MMS22L: variants seen among roughly 807,000 people sequenced by gnomAD.
MMS22L encodes the protein MMS22 like, DNA repair protein.
Under a neutral mutation model 159.1 loss-of-function variants are expected in MMS22L, and 74 were observed. The observed-to-expected ratio is 0.47, with a 90% CI of 0.39 to 0.56. The LOEUF (loss-of-function observed/expected upper bound fraction) is 0.56. Among genes scored for constraint, MMS22L ranks in the 20% least tolerant of loss-of-function variants. The pLI is 0.00. For synonymous variants in MMS22L, 517 were observed against 506.9 expected (o/e 1.02, Z -0.27); for missense variants, 1,351 against 1,422.1 (o/e 0.95, Z 0.80).
intron 14 of MMS22L, among the ~76,000 whole-genome samples, chr6:97,225,616 A>G (rs1192026917): frequency 6.7e-6 from 1 of 150,120 alleles, no homozygotes; most frequent in Non-Finnish European, 1.5e-5. Flanking sequence ...TCTGTCACAC[A>G]GGCTGGAGTG....
At chr6:97,201,954 G>A (rs1317916967) in intron 14 of MMS22L, among the ~76,000 whole-genome samples, 2 of 152,040 alleles carry the variant, frequency 1.3e-5, no homozygotes, top group African/African-American at 2.4e-5. Flanking sequence ...TTATTCCCTC[G>A]AACAATACTT....
chr6:97,233,623 T>C (rs1171441111), intron 12 of MMS22L, among the ~76,000 whole-genome samples: 4 of 152,176 alleles, frequency 2.6e-5, no homozygotes, highest in Non-Finnish European at 5.9e-5. Context: ...TGATACATTT[T>C]AGCTACTTTG....
intron 8 of MMS22L, chr6:97,266,659 C>G (rs932770977): frequency 6.6e-6 from 1 of 152,120 alleles, no homozygotes; most frequent in African/African-American, 2.4e-5. Context: ...TACTATTCAG[C>G]CTTGAGAAGA....
chr6:97,243,629 T>A (rs895948524), intron 11 of MMS22L, among the ~76,000 whole-genome samples: 1 of 152,166 alleles, frequency 6.6e-6, no homozygotes, highest in Non-Finnish European at 1.5e-5. Context: ...GGTGAGCTAG[T>A]GTGATCTTGT....
intron 18 of MMS22L, among the ~76,000 whole-genome samples, chr6:97,175,530 T>C (rs1804027860): frequency 6.6e-6 from 1 of 152,194 alleles, no homozygotes; most frequent in South Asian, 2.1e-4. Context: ...TTAAAAGCCA[T>C]TGGTCTATCC....
At chr6:97,250,507 A>C (rs1813130409) in intron 10 of MMS22L, among the ~76,000 whole-genome samples, 1 of 152,166 alleles carries the variant, frequency 6.6e-6, no homozygotes, top group African/African-American at 2.4e-5. Flanking sequence ...TTTAAACTGT[A>C]TTTGGTTTTA....
At chr6:97,193,598 C>A (rs939856216) in intron 14 of MMS22L, among the ~76,000 whole-genome samples, 1 of 152,182 alleles carries the variant, frequency 6.6e-6, no homozygotes, top group Admixed American at 6.5e-5. Context: ...ATGTTGACTA[C>A]CACCAAAATT....
chr6:97,181,723 T>A (rs1562427313), intron 16 of MMS22L, among the ~76,000 whole-genome samples, 181 bp downstream of exon 16: 1 of 151,944 alleles, frequency 6.6e-6, no homozygotes, highest in African/African-American at 2.4e-5. Context: ...CCACAAAATA[T>A]AAGTTAGTGT....
In MMS22L at chr6:97,145,677, A is replaced by G. The variant is rs375172096; in HGVS notation, c.*1129T>C. The G allele has an allele frequency of 1.3e-5, 2 of 152,296 alleles. No individual in the cohort carries two copies. The highest frequency in any genetic ancestry group is 2.1e-4 in the South Asian group (1 of 4,824). 9.4% of individuals were successfully genotyped at this position (152,296 alleles called of 1,614,324 possible). Reference sequence around the variant, plus strand: ...GTACATTATCCCATTGATTCTCACAACAACACTGTCAAATAGTAAAGGGAT... The same window carrying G: ...GTACATTATCCCATTGATTCTCACAGCAACACTGTCAAATAGTAAAGGGAT... On this transcript the variant is annotated 3_prime_UTR_variant, in exon 25 of 25. Coordinates refer to ENST00000683635, the MANE Select transcript of MMS22L (RefSeq NM_001350599.2).
At chr6:97,172,691 G>T (rs1296441481) in intron 19 of MMS22L, among the ~76,000 whole-genome samples, 1 of 152,150 alleles carries the variant, frequency 6.6e-6, no homozygotes, top group Non-Finnish European at 1.5e-5. Context: ...AGAAATAGAT[G>T]TAAGCGATAG....
rs1464376908 is a variant in MMS22L, at chr6:97,221,565, A to C, written c.2039+7329T>G. 3.9e-5 allele frequency among the ~76,000 whole-genome samples: 6 copies of C among 152,096 alleles called. No homozygotes were observed. In the East Asian group the frequency reaches 1.2e-3, roughly 29 times the overall value. ...AAATACTCAGCTGAAAGATATAAAA[A>C]ATATTTAACTAGGAAAAAAAGTTTT... On this transcript the variant is annotated intron_variant, in intron 14 of 24. Coordinates refer to ENST00000683635, the MANE Select transcript of MMS22L (RefSeq NM_001350599.2).
intron 22 of MMS22L, among the ~76,000 whole-genome samples, chr6:97,157,443 T>C (rs1216318112): frequency 6.6e-6 from 1 of 152,330 alleles, no homozygotes; most frequent in East Asian, 1.9e-4. Flanking sequence ...CAGTACGATA[T>C]TGGCTGTGGG....
chr6:97,170,974 T>G (rs1199717794), intron 19 of MMS22L, among the ~76,000 whole-genome samples: 3 of 152,032 alleles, frequency 2.0e-5, no homozygotes, highest in Non-Finnish European at 2.9e-5. Flanking sequence ...TCACTGCACT[T>G]CAGCATAGGT....
intron 19 of MMS22L, among the ~76,000 whole-genome samples, chr6:97,170,246 G>A (rs534698907): frequency 2.0e-5 from 3 of 152,012 alleles, no homozygotes; most frequent in Non-Finnish European, 2.9e-5. Flanking sequence ...TTTCTGCAAC[G>A]GTTGAAACAC....
upstream of MMS22L, chr6:97,283,327 T>C (rs1562538754): frequency 1.3e-5 from 2 of 150,564 alleles, no homozygotes; most frequent in African/African-American, 2.4e-5. Flanking sequence ...CGGGACGAGG[T>C]ACTGAGAAAC....
intron 14 of MMS22L, among the ~76,000 whole-genome samples, chr6:97,189,351 G>A (rs1390615762): frequency 6.6e-6 from 1 of 150,994 alleles, no homozygotes; most frequent in Admixed American, 6.6e-5. Context: ...CCTGAGCTCA[G>A]GATTTCAAGA....
At chr6:97,247,046 G>A (rs1420849294) in intron 10 of MMS22L, among the ~76,000 whole-genome samples, 1 of 144,358 alleles carries the variant, frequency 6.9e-6, no homozygotes, top group Non-Finnish European at 1.5e-5. Context: ...TTTTTATGCT[G>A]AGTAATCATC....
chr6:97,167,233 C>T (rs1287224242), intron 20 of MMS22L, among the ~76,000 whole-genome samples: 1 of 152,110 alleles, frequency 6.6e-6, no homozygotes, highest in Non-Finnish European at 1.5e-5. Flanking sequence ...GGATTTCCCA[C>T]GTTAGTAAGT....
chr6:97,216,898 A>C (rs889997922), intron 14 of MMS22L, among the ~76,000 whole-genome samples: 1 of 152,242 alleles, frequency 6.6e-6, no homozygotes, highest in Non-Finnish European at 1.5e-5. Flanking sequence ...AAAGAAAAAT[A>C]ATCATGGCAC....
Sources: allele counts gnomAD v4.1 joint callset (sites outside exome capture counted in the v4.1 genomes callset), GRCh38; gene constraint gnomAD v4.1.1; transcripts MANE v1.5; gene names NCBI Gene and HGNC (gene_info 2026-07-23, HGNC 2026-07-21).